DENND2A: variants seen among roughly 807,000 people sequenced by gnomAD.
DENND2A encodes DENN domain containing 2A.
Under a neutral mutation model 105.3 loss-of-function variants are expected in DENND2A, and 53 were observed. That is an observed-to-expected ratio of 0.50 (90% CI 0.40 to 0.63). The LOEUF (loss-of-function observed/expected upper bound fraction) is 0.63, where lower values mean the gene tolerates loss of function less well. Ranked by LOEUF, DENND2A falls within the 30% of genes least tolerant of loss-of-function variation. The pLI is 0.00. For missense variants in DENND2A, 1,138 were observed against 1,279.6 expected (o/e 0.89, Z 1.69); for synonymous variants, 522 against 508.4 (o/e 1.03, Z -0.36).
intron 1 of DENND2A, among the ~76,000 whole-genome samples, chr7:140,625,397 A>G (rs1446484259): frequency 2.0e-5 from 3 of 151,636 alleles, no homozygotes; most frequent in Non-Finnish European, 4.4e-5. Flanking sequence ...AAAAAAGAAC[A>G]GTCTGGGTGC....
Position 140,559,647 on chromosome 7 carries a change from A to G in DENND2A, c.1889+61T>C. ...TGACTCATGTGGTCTGCCACCTGTA[A>G]CCCCGTCTCTAAGTCTCGCCTTAGT... On this transcript the variant is annotated intron_variant, in intron 10 of 19. Coordinates refer to ENST00000496613, the MANE Select transcript of DENND2A (RefSeq NM_015689.5). This position sits in a 1 kb window ranked among gnomAD's most constrained non-coding sequence, Gnocchi z 4.1. The G allele has an allele frequency of 7.9e-7, 1 of 1,265,914 alleles. No individual in the cohort carries two copies. Among genetic ancestry groups the G allele is most frequent in the South Asian group, 1.2e-5 (1 of 81,606 alleles). The allele number at this position is 1,265,914 out of a possible 1,614,324, so 78.4% of individuals were successfully genotyped here.
At position 140,567,121 on chromosome 7, in the gene DENND2A, A is replaced by G. The variant is rs1018308296; in HGVS notation, c.1744T>C (p.Tyr582His). ...SLHKKQAGAAYVPELTQQFPL... is the reference protein window; with the variant it reads ...SLHKKQAGAAHVPELTQQFPL... ...AACTGTTGGGTGAGTTCTGGCACGT[A>G]GGCAGCCCCGGCCTGCTTCTTGTGC... is the stretch of plus-strand genomic sequence containing the variant. Residue 582 changes from tyrosine to histidine, a missense_variant, in exon 9 of 20, where the codon TAC (tyrosine) becomes CAC (histidine). Physicochemically the swap from Tyr to His is moderately conservative, Grantham distance 83 (BLOSUM62 2). Transcript: ENST00000496613. The G allele has an allele frequency of 6.2e-7, 1 of 1,606,578 alleles. No homozygotes were observed. Among genetic ancestry groups the G allele is most frequent in the Non-Finnish European group, 8.5e-7 (1 of 1,176,468 alleles).
chr7:140,541,720 GCAA>G (rs1361129004), intron 14 of DENND2A, among the ~76,000 whole-genome samples: 7 of 152,194 alleles, frequency 4.6e-5, no homozygotes, highest in Admixed American at 3.3e-4. Context: ...AGCACCAGCT[GCAA>G]GGCTTACAGA....
chr7:140,613,865 A>T (rs535429001), intron 1 of DENND2A, among the ~76,000 whole-genome samples: 2 of 152,158 alleles, frequency 1.3e-5, no homozygotes, highest in African/African-American at 4.8e-5. Flanking sequence ...ATGCAGACCA[A>T]CTGAGAGCTG....
chr7:140,529,285 C>A (rs566221420), intron 14 of DENND2A, among the ~76,000 whole-genome samples: 1 of 152,290 alleles, frequency 6.6e-6, no homozygotes, highest in Non-Finnish European at 1.5e-5. Flanking sequence ...ATGTTGAAAC[C>A]CCATCTCTAC....
chr7:140,576,254 TATA>T (rs1277228845), intron 5 of DENND2A, among the ~76,000 whole-genome samples: 8 of 151,462 alleles, frequency 5.3e-5, no homozygotes, highest in African/African-American at 1.5e-4. Context: ...TTATTTTAGT[TATA>T]ATAACTTTTT....
Position 140,606,324 on chromosome 7 carries a change from G to A in DENND2A, c.-247-518C>T, listed in dbSNP as rs963121375. On this transcript the variant is annotated intron_variant, in intron 1 of 19. Transcript: ENST00000496613. The stretch of plus-strand genomic sequence containing the variant: ...CTAAGTGCTGGGATTACCGGAGTGA[G>A]CCACTGTGCCTGGCCCTCTTTGCAT... Among the ~76,000 whole-genome samples, 5 of 152,290 alleles carry A rather than the reference G, an allele frequency of 3.3e-5. No homozygotes were observed. The South Asian group carries it at 8.3e-4, about 25-fold the overall frequency.
At position 140,559,034 on chromosome 7, in the gene DENND2A, G is replaced by A. The variant is rs188456420; in HGVS notation, c.1889+674C>T. On this transcript the variant is annotated intron_variant, in intron 10 of 19. Coordinates refer to ENST00000496613, the MANE Select transcript of DENND2A (RefSeq NM_015689.5). This position sits in a 1 kb window ranked among gnomAD's most constrained non-coding sequence, Gnocchi z 4.1. Reference sequence around the variant, plus strand: ...CTCTGGAGGCTAAAGAGAGGGAAGAGCCTGGGGTGCTGTCCTCAGGGAACT... The same window carrying A: ...CTCTGGAGGCTAAAGAGAGGGAAGAACCTGGGGTGCTGTCCTCAGGGAACT... Among the ~76,000 whole-genome samples, 4 of 152,226 alleles carry A rather than the reference G, an allele frequency of 2.6e-5. No homozygotes were observed. The highest frequency in any genetic ancestry group is 9.6e-5 in the African/African-American group (4 of 41,548).
chr7:140,541,535 G>T (rs937864623), intron 14 of DENND2A, among the ~76,000 whole-genome samples: 2 of 152,160 alleles, frequency 1.3e-5, no homozygotes, highest in Admixed American at 6.5e-5. Context: ...TCCACCTCTA[G>T]CGGATGGAGG....
At position 140,518,640 on chromosome 7, in the gene DENND2A, G is replaced by T; in HGVS notation, c.*67C>A. ...AACCTGGGACCCAGCCTTTCAGAAA[G>T]GCCACCAGGAACTGTTTTTAAAGCA... On this transcript the variant is annotated 3_prime_UTR_variant, in exon 20 of 20. Transcript: ENST00000496613. 6.5e-7 allele frequency: 1 copy of T among 1,542,762 alleles called. No individual in the cohort carries two copies. Among genetic ancestry groups the T allele is most frequent in the Non-Finnish European group, 8.9e-7 (1 of 1,118,178 alleles).
intron 1 of DENND2A, among the ~76,000 whole-genome samples, chr7:140,607,398 G>A (rs1299438576): frequency 6.6e-6 from 1 of 152,144 alleles, no homozygotes; most frequent in Non-Finnish European, 1.5e-5. Flanking sequence ...GGGGGAGCAA[G>A]GAAGGGAACA....
At chr7:140,521,798 G>T in intron 18 of DENND2A, 57 bp downstream of exon 18, 2 of 1,598,760 alleles carry the variant, frequency 1.3e-6, no homozygotes, top group Non-Finnish European at 1.7e-6. Context: ...CTCATCAGCC[G>T]CCTGGAATAT....
At chr7:140,594,344 T>C (rs1007231423) in intron 3 of DENND2A, among the ~76,000 whole-genome samples, 2 of 152,232 alleles carry the variant, frequency 1.3e-5, no homozygotes, top group Non-Finnish European at 2.9e-5. Context: ...AGACCCTTCC[T>C]GGCCCTCAGG....
chr7:140,588,404 G>A (rs1263120600), intron 3 of DENND2A, among the ~76,000 whole-genome samples: 1 of 151,880 alleles, frequency 6.6e-6, no homozygotes, highest in Non-Finnish European at 1.5e-5. Flanking sequence ...GTATAGACAG[G>A]GACTGTCTAT....
At chr7:140,611,254 G>A (rs1799887640) in intron 1 of DENND2A, among the ~76,000 whole-genome samples, 1 of 152,120 alleles carries the variant, frequency 6.6e-6, no homozygotes, top group South Asian at 2.1e-4. Context: ...AAAATGGGCT[G>A]GGTACAGTGG....
At chr7:140,593,899 CT>C (rs370516056) in intron 3 of DENND2A, among the ~76,000 whole-genome samples, 1,931 of 143,942 alleles carry the variant, frequency 0.013, 13 homozygotes, top group African/African-American at 0.031. Flanking sequence ...ACAAGCAAAT[CT>C]TTTTTTTTTT....
chr7:140,613,855 A>G (rs1245489927), intron 1 of DENND2A, among the ~76,000 whole-genome samples: 1 of 152,166 alleles, frequency 6.6e-6, no homozygotes, highest in African/African-American at 2.4e-5. Context: ...CTGGTGTCAA[A>G]TGCAGACCAA....
intron 9 of DENND2A, among the ~76,000 whole-genome samples, chr7:140,563,042 C>G (rs987435143): frequency 6.6e-6 from 1 of 152,186 alleles, no homozygotes; most frequent in Admixed American, 6.5e-5. Flanking sequence ...AGGAAGGGGT[C>G]ATTAATCACC....
At chr7:140,551,299 C>CA (rs529992901) in intron 12 of DENND2A, among the ~76,000 whole-genome samples, 1,836 of 71,054 alleles carry the variant, frequency 0.026, 42 homozygotes, top group African/African-American at 0.034. Context: ...GACTCCATCT[C>CA]AAAAAAAAAA....
Sources: gnomAD v4.1 joint callset for allele counts (sites outside exome capture counted in the v4.1 genomes callset) on GRCh38, gnomAD v4.1.1 for gene constraint, Gnocchi (gnomAD v3.1) non-coding constraint, MANE v1.5 for transcripts, NCBI Gene and HGNC (gene_info 2026-07-23, HGNC 2026-07-21) for gene names.